MRPL47: variants seen among roughly 807,000 people sequenced by gnomAD.
The protein encoded by MRPL47 is large ribosomal subunit protein uL29m.
In MRPL47, 31 loss-of-function variants were observed where a neutral mutation model predicts 34.0. That is an observed-to-expected ratio of 0.91 (90% confidence interval 0.68 to 1.23). MRPL47 has a LOEUF of 1.23. Ranked by LOEUF, MRPL47 falls within the 50% of genes most tolerant of loss-of-function variation. MRPL47 has a pLI of 0.00. For synonymous variants in MRPL47, 106 were observed against 101.6 expected (o/e 1.04, Z -0.26); for missense variants, 328 against 285.8 (o/e 1.15, Z -1.07).
At chr3:179,596,939 C>T (rs1315330987) in intron 4 of MRPL47, among the ~76,000 whole-genome samples, 3 of 152,122 alleles carry the variant, frequency 2.0e-5, no homozygotes, top group Admixed American at 6.5e-5. Context: ...ATGTTAATTT[C>T]CTGATTTTGA....
chr3:179,594,189 T>G (rs1718740285), intron 4 of MRPL47, among the ~76,000 whole-genome samples: 1 of 152,234 alleles, frequency 6.6e-6, no homozygotes, highest in South Asian at 2.1e-4. Context: ...CCCAATTTGA[T>G]TCATGTTATT....
At chr3:179,604,070 AG>A (rs781247253) in intron 1 of MRPL47, among the ~76,000 whole-genome samples, 3 of 152,220 alleles carry the variant, frequency 2.0e-5, no homozygotes, top group Non-Finnish European at 4.4e-5. Flanking sequence ...TCCAGGACCA[AG>A]AAAAATAAAT....
At chr3:179,595,490 A>T (rs543326950) in intron 4 of MRPL47, among the ~76,000 whole-genome samples, 35 of 152,346 alleles carry the variant, frequency 2.3e-4, no homozygotes, top group African/African-American at 6.7e-4. Context: ...ACTAAGACAA[A>T]TTCTATTTTG....
chr3:179,602,935 T>C (rs1352397782), intron 1 of MRPL47, 138 bp from the exon 2 acceptor site: 1 of 726,040 alleles, frequency 1.4e-6, no homozygotes, highest in Non-Finnish European at 2.1e-6. Flanking sequence ...TGCACAAGAA[T>C]TAATTTTTTT....
Position 179,592,741 on chromosome 3 carries a change from T to G in MRPL47, c.534-2A>C. 1 of 1,603,928 alleles carries G rather than the reference T, an allele frequency of 6.2e-7. No individual in the cohort carries two copies. The highest frequency in any genetic ancestry group is 1.7e-4 in the Middle Eastern group (1 of 6,036). On this transcript the variant is annotated splice_acceptor_variant, in intron 5 of 6. Coordinates refer to ENST00000476781, the MANE Select transcript of MRPL47 (RefSeq NM_020409.3). LOFTEE classifies it high-confidence loss of function. ...ATAACCCACTGCTTGAACTTGTGCC[T>G]GCCAATAAAGCAAAAAGTTATTTGC... is the stretch of plus-strand genomic sequence containing the variant.
chr3:179,598,841 T>G (rs547139657), intron 3 of MRPL47, 70 bp from the exon 4 acceptor site: 2 of 1,111,294 alleles, frequency 1.8e-6, no homozygotes, highest in South Asian at 1.2e-5. Context: ...ATTTCTGACA[T>G]CAAAATTAAT....
intron 4 of MRPL47, among the ~76,000 whole-genome samples, chr3:179,598,217 T>C (rs921886298): frequency 2.6e-5 from 4 of 151,988 alleles, no homozygotes; most frequent in African/African-American, 9.7e-5. Context: ...TGAAACCACA[T>C]TTATACCAAA....
In MRPL47 at chr3:179,588,891, T is replaced by G. The variant is rs755525679; in HGVS notation, c.734A>C (p.Gln245Pro). 6.2e-7 allele frequency: 1 copy of G among 1,613,350 alleles called. No homozygotes were observed. Among genetic ancestry groups the G allele is most frequent in the Admixed American group, 1.7e-5 (1 of 59,896 alleles). ...GACATCTTAGACAAGACTTGACTTTTGGGCTTCAGCAAGATGTGGAAACTT... is the reference window on the plus strand; with the variant it reads ...GACATCTTAGACAAGACTTGACTTTGGGGCTTCAGCAAGATGTGGAAACTT... Reference protein sequence around the residue: ...LKKFPHLAEAQKSSLV With the variant: ...LKKFPHLAEAPKSSLV Residue 245 changes from glutamine to proline, a missense_variant, in exon 7 of 7, where the codon CAA becomes CCA. By Grantham distance (76) the Gln-to-Pro change is moderately conservative. Transcript: ENST00000476781.
At chr3:179,593,122 G>A (rs1718713077) in intron 5 of MRPL47, among the ~76,000 whole-genome samples, 1 of 152,168 alleles carries the variant, frequency 6.6e-6, no homozygotes, top group South Asian at 2.1e-4. Context: ...ACCGAAGGAG[G>A]TTTATTTACA....
intron 6 of MRPL47, among the ~76,000 whole-genome samples, chr3:179,590,347 AAAG>A (rs1407150573): frequency 3.9e-5 from 6 of 152,078 alleles, no homozygotes; most frequent in Non-Finnish European, 8.8e-5. Context: ...CAAAAAAAAA[AAAG>A]AAAAAAAGTG....
At chr3:179,602,501 T>C (rs1718948430) in intron 2 of MRPL47, 151 bp downstream of exon 2, 1 of 532,650 alleles carries the variant, frequency 1.9e-6, no homozygotes, top group Non-Finnish European at 3.3e-6. Context: ...GTCCCTTTAA[T>C]TTTCTCTAGT....
chr3:179,588,806 C>T lies in MRPL47; in HGVS notation c.*66G>A, dbSNP rs1718589271. 2.1e-6 allele frequency: 3 copies of T among 1,435,212 alleles called. No homozygotes were observed. The highest frequency in any genetic ancestry group is 2.8e-5 in the South Asian group (2 of 71,350). 88.9% of individuals were successfully genotyped at this position (1,435,212 alleles called of 1,614,324 possible). On this transcript the variant is annotated 3_prime_UTR_variant, in exon 7 of 7. Coordinates refer to ENST00000476781, the MANE Select transcript of MRPL47 (RefSeq NM_020409.3). ...CAGAATTTCTTTATAAACCACTTAA[C>T]ATATTTACTCCTGTACACAGACTAT... is the stretch of plus-strand genomic sequence containing the variant.
intron 4 of MRPL47, among the ~76,000 whole-genome samples, chr3:179,596,028 A>G (rs893828272): frequency 6.6e-6 from 1 of 152,242 alleles, no homozygotes; most frequent in Non-Finnish European, 1.5e-5. Flanking sequence ...CAAGGGGACT[A>G]ACATGTCATT....
In MRPL47 at chr3:179,598,779, A is replaced by G. The variant is rs766232416; in HGVS notation, c.306-8T>C. 19 of 1,549,688 alleles carry G rather than the reference A, an allele frequency of 1.2e-5. No homozygotes were observed. The South Asian group carries it at 1.8e-4, about 15-fold the overall frequency. On this transcript the variant is annotated splice_polypyrimidine_tract_variant and splice_region_variant and intron_variant, in intron 3 of 6. Transcript: ENST00000476781. Reference sequence around the variant, plus strand: ...TCTTTCAGTAAGACATACCTATACAAAAGAACACAAACCTTGTGATGCTAT... The same window carrying G: ...TCTTTCAGTAAGACATACCTATACAGAAGAACACAAACCTTGTGATGCTAT...
chr3:179,594,003 C>A (rs944460059), intron 4 of MRPL47, 108 bp from the exon 5 acceptor site: 10 of 1,010,028 alleles, frequency 9.9e-6, no homozygotes, highest in Non-Finnish European at 1.4e-5. Flanking sequence ...AATATTTATG[C>A]CAAAGAACCA....
chr3:179,598,815 T>C (rs772341502), intron 3 of MRPL47, 44 bp from the exon 4 acceptor site: 1 of 1,354,720 alleles, frequency 7.4e-7, no homozygotes, highest in South Asian at 1.2e-5. Flanking sequence ...TCTGTGGTTA[T>C]GTTAATAAAG....
Position 179,588,682 on chromosome 3 carries a change from C to G in MRPL47, c.*190G>C, listed in dbSNP as rs1240853197. The stretch of plus-strand genomic sequence containing the variant: ...GTGGGAATCTCATCTGAACTTTATA[C>G]CTGATTTTTAGAAGCAAATTAGCTT... On this transcript the variant is annotated 3_prime_UTR_variant, in exon 7 of 7. Transcript: ENST00000476781. The G allele has an allele frequency of 2.2e-6, 1 of 453,716 alleles. No homozygotes were observed. The highest frequency in any genetic ancestry group is 2.0e-5 in the African/African-American group (1 of 50,790). 28.1% of individuals were successfully genotyped at this position (453,716 alleles called of 1,614,324 possible).
At position 179,593,902 on chromosome 3, in the gene MRPL47, A is replaced by G. The variant is rs1475138379; in HGVS notation, c.403-7T>C. The G allele has an allele frequency of 3.1e-6, 5 of 1,606,954 alleles. No homozygotes were observed. The highest frequency in any genetic ancestry group is 4.2e-6 in the Non-Finnish European group (5 of 1,177,352). On this transcript the variant is annotated splice_region_variant and splice_polypyrimidine_tract_variant and intron_variant, in intron 4 of 6. Coordinates refer to ENST00000476781, the MANE Select transcript of MRPL47 (RefSeq NM_020409.3). ...CATCCATGGAATCTACTACCTGAAA[A>G]GAGAATAGAAAGATACAATTTCAAC...
intron 6 of MRPL47, among the ~76,000 whole-genome samples, chr3:179,591,521 C>G (rs999434370): frequency 5.3e-5 from 8 of 152,188 alleles, no homozygotes; most frequent in Non-Finnish European, 1.0e-4. Context: ...TCTATCATAA[C>G]AGAAGCCCTA....
Sources: allele counts gnomAD v4.1 joint callset (sites outside exome capture counted in the v4.1 genomes callset), GRCh38; gene constraint gnomAD v4.1.1; transcripts MANE v1.5; gene names NCBI Gene and HGNC (gene_info 2026-07-23, HGNC 2026-07-21).